PLCL1: variants seen among roughly 807,000 people sequenced by gnomAD.
PLCL1 encodes the protein phospholipase C like 1 (inactive).
PLCL1 carries 41 observed loss-of-function variants against 84.4 expected under a neutral mutation model. The observed-to-expected ratio is 0.49, with a 90% CI of 0.38 to 0.63. The LOEUF (loss-of-function observed/expected upper bound fraction) is 0.63, where lower values mean the gene tolerates loss of function less well. Ranked by LOEUF, PLCL1 falls within the 30% of genes least tolerant of loss-of-function variation. PLCL1 has a pLI of 0.00. For missense variants in PLCL1, 1,206 were observed against 1,367.8 expected, an observed-to-expected ratio of 0.88 and a Z score of 1.87; for synonymous variants, 490 against 488.3, an observed-to-expected ratio of 1.00 and a Z score of -0.05.
intron 1 of PLCL1, among the ~76,000 whole-genome samples, chr2:197,950,828 C>G (rs1470681415): frequency 6.6e-6 from 1 of 152,076 alleles, no homozygotes; most frequent in Admixed American, 6.6e-5. Flanking sequence ...GAGCAGTTGC[C>G]TAATATTCTC....
chr2:198,086,847 A>G (rs1443777720), intron 2 of PLCL1, among the ~76,000 whole-genome samples: 3 of 152,236 alleles, frequency 2.0e-5, no homozygotes, highest in Non-Finnish European at 4.4e-5. Flanking sequence ...AGTAGAATAT[A>G]CAATATATGT....
intron 1 of PLCL1, among the ~76,000 whole-genome samples, chr2:197,959,550 C>G (rs1478249384): frequency 6.6e-6 from 1 of 151,924 alleles, no homozygotes; most frequent in African/African-American, 2.4e-5. Context: ...AGGGATTGGG[C>G]CAGATGGTTA....
intron 1 of PLCL1, among the ~76,000 whole-genome samples, chr2:198,039,065 C>G (rs1036519004): frequency 5.3e-5 from 8 of 152,036 alleles, no homozygotes; most frequent in African/African-American, 1.9e-4. Context: ...AAAAACAAAC[C>G]CTGTCTGCTT....
intron 5 of PLCL1, among the ~76,000 whole-genome samples, chr2:198,105,785 A>G (rs1040193158): frequency 2.6e-5 from 4 of 151,882 alleles, no homozygotes; most frequent in African/African-American, 4.8e-5. Context: ...GAGGATTTTT[A>G]TTTTAAGAAC....
intron 1 of PLCL1, among the ~76,000 whole-genome samples, chr2:197,838,884 C>T (rs1691241814): frequency 6.6e-6 from 1 of 152,184 alleles, no homozygotes. Context: ...AAAGAGATCA[C>T]TGTTAAGAAT....
intron 1 of PLCL1, among the ~76,000 whole-genome samples, chr2:197,968,210 A>G (rs952023111): frequency 6.6e-6 from 1 of 152,020 alleles, no homozygotes; most frequent in African/African-American, 2.4e-5. Context: ...GTTTTCTGTT[A>G]TTTTCTTTAA....
chr2:198,024,808 A>G (rs1364834090), intron 1 of PLCL1, among the ~76,000 whole-genome samples: 1 of 151,248 alleles, frequency 6.6e-6, no homozygotes, highest in South Asian at 2.1e-4. Flanking sequence ...TTTTTGCATT[A>G]GTGTCTTTTA....
chr2:197,882,925 T>C (rs1687855501), intron 1 of PLCL1, among the ~76,000 whole-genome samples: 1 of 152,238 alleles, frequency 6.6e-6, no homozygotes, highest in Admixed American at 6.5e-5. Flanking sequence ...GGACGTATTT[T>C]ACAGACATAA....
At chr2:197,962,849 G>T (rs1689651709) in intron 1 of PLCL1, among the ~76,000 whole-genome samples, 1 of 151,812 alleles carries the variant, frequency 6.6e-6, no homozygotes, top group Non-Finnish European at 1.5e-5. Context: ...GTCATTCTGT[G>T]CCTGACTTAA....
chr2:197,835,607 A>T lies in PLCL1; in HGVS notation c.240+30268A>T, dbSNP rs903199125. Among the ~76,000 whole-genome samples the T allele has an allele frequency of 1.1e-4, 16 of 152,186 alleles. 1 individual carries two copies. The highest frequency in any genetic ancestry group is 5.2e-4 in the Admixed American group (8 of 15,284). On this transcript the variant is annotated intron_variant, in intron 1 of 5. Coordinates refer to ENST00000428675, the MANE Select transcript of PLCL1 (RefSeq NM_006226.4). ...GTAGGAAAAATTTTGGACTGGAGCC[A>T]AACGCTTTCTGTCATATTTAGTTTG...
intron 1 of PLCL1, among the ~76,000 whole-genome samples, chr2:197,894,148 T>A (rs1688085982): frequency 6.6e-6 from 1 of 151,956 alleles, no homozygotes; most frequent in African/African-American, 2.4e-5. Context: ...CATGTCATCT[T>A]GTCTATCCCC....
intron 1 of PLCL1, among the ~76,000 whole-genome samples, chr2:198,031,961 T>G (rs1691439251): frequency 6.6e-6 from 1 of 152,142 alleles, no homozygotes; most frequent in Non-Finnish European, 1.5e-5. Context: ...TACATATAGA[T>G]TTTTGTTATT....
At chr2:197,896,105 C>T (rs954933166) in intron 1 of PLCL1, among the ~76,000 whole-genome samples, 1 of 151,924 alleles carries the variant, frequency 6.6e-6, no homozygotes, top group African/African-American at 2.4e-5. Context: ...TAACTTTGAC[C>T]TAGTAGTCTC....
Position 198,146,963 on chromosome 2 carries a change from C to T in PLCL1, c.*1C>T, listed in dbSNP as rs1475339118. 6.3e-7 allele frequency: 1 copy of T among 1,587,814 alleles called. No homozygotes were observed. The highest frequency in any genetic ancestry group is 8.6e-7 in the Non-Finnish European group (1 of 1,163,754). On this transcript the variant is annotated 3_prime_UTR_variant, in exon 6 of 6. Coordinates refer to ENST00000428675, the MANE Select transcript of PLCL1 (RefSeq NM_006226.4). ...TAGTGAGGAGAATGGGAAGCTGTGA[C>T]TCTGGGCATTATCGACACGTTCACC...
intron 1 of PLCL1, among the ~76,000 whole-genome samples, chr2:197,889,149 G>A (rs750350081): frequency 2.6e-5 from 4 of 152,176 alleles, no homozygotes; most frequent in Non-Finnish European, 5.9e-5. Flanking sequence ...TTTTACAGAT[G>A]AGGAAGTGAG....
At chr2:198,090,095 A>G (rs1692984088) in intron 3 of PLCL1, among the ~76,000 whole-genome samples, 1 of 152,192 alleles carries the variant, frequency 6.6e-6, no homozygotes, top group African/African-American at 2.4e-5. Context: ...ATTCTAAGCC[A>G]GTAGAGAGAA....
chr2:197,839,071 GA>G (rs1185764327), intron 1 of PLCL1, among the ~76,000 whole-genome samples: 4 of 152,152 alleles, frequency 2.6e-5, no homozygotes, highest in African/African-American at 9.7e-5. Flanking sequence ...TTTTACAAAA[GA>G]AGAATTTAAT....
At chr2:197,825,024 G>T (rs1690900577) in intron 1 of PLCL1, among the ~76,000 whole-genome samples, 1 of 151,912 alleles carries the variant, frequency 6.6e-6, no homozygotes, top group Admixed American at 6.6e-5. Context: ...CAGGTTTTTT[G>T]ACCAAGCATG....
chr2:198,041,766 C>A (rs1356945914), intron 1 of PLCL1, among the ~76,000 whole-genome samples: 1 of 152,052 alleles, frequency 6.6e-6, no homozygotes, highest in Admixed American at 6.6e-5. Flanking sequence ...ACGAACATAG[C>A]CATGAAACAT....
Sources: allele counts gnomAD v4.1 joint callset (sites outside exome capture counted in the v4.1 genomes callset), GRCh38; gene constraint gnomAD v4.1.1; transcripts MANE v1.5; gene names NCBI Gene and HGNC (gene_info 2026-07-23, HGNC 2026-07-21).